Variants in SLC71A1 observed in about 807,000 individuals in gnomAD.
SLC71A1 encodes the protein hippocampus abundant gene transcript 1.
the SLC71A1 span, among the ~76,000 whole-genome samples, chr1:100,064,696 A>C: frequency 6.6e-6 from 1 of 151,528 alleles, no homozygotes; most frequent in Admixed American, 6.6e-5. Flanking sequence ...TTGATACTAT[A>C]GATCAATAGG....
At chr1:100,083,081 C>G in the SLC71A1 span, 6 of 152,556 alleles carry the variant, frequency 3.9e-5, no homozygotes, top group African/African-American at 1.2e-4. Context: ...ACTTTATTTA[C>G]AGAGCTAATG....
chr1:100,081,533 C>T, the SLC71A1 span, among the ~76,000 whole-genome samples: 5,016 of 152,040 alleles, frequency 0.033, 300 homozygotes, highest in African/African-American at 0.11. Context: ...CCACCATGAC[C>T]GGCTAATTTT....
chr1:100,043,385 C>G, the SLC71A1 span, among the ~76,000 whole-genome samples: 1 of 152,204 alleles, frequency 6.6e-6, no homozygotes, highest in African/African-American at 2.4e-5. Flanking sequence ...TAATATAGCT[C>G]TCAAAATTTC....
the SLC71A1 span, among the ~76,000 whole-genome samples, chr1:100,050,932 A>G: frequency 7.9e-5 from 12 of 152,016 alleles, no homozygotes; most frequent in African/African-American, 2.7e-4. Flanking sequence ...AAAAAATGCA[A>G]AAATTAGTTG....
At chr1:100,043,725 C>G in the SLC71A1 span, among the ~76,000 whole-genome samples, 15 of 152,200 alleles carry the variant, frequency 9.9e-5, no homozygotes, top group Middle Eastern at 6.3e-3. Context: ...AGCTTCCCCC[C>G]CATCCTCAAA....
chr1:100,071,289 CAAAAAAAAAAA>C, the SLC71A1 span, among the ~76,000 whole-genome samples: 2 of 53,388 alleles, frequency 3.7e-5, no homozygotes, highest in African/African-American at 6.3e-5. Flanking sequence ...CCATCTCTAC[CAAAAAAAAAAA>C]AAAAAAAAAA....
At chr1:100,059,847 G>A in the SLC71A1 span, 1 of 1,572,584 alleles carries the variant, frequency 6.4e-7, no homozygotes, top group Non-Finnish European at 8.6e-7. Flanking sequence ...ATAGATGTGT[G>A]GTATTCATTT....
the SLC71A1 span, among the ~76,000 whole-genome samples, chr1:100,054,024 GTTTTTTTTTTTCTTTCC>G: frequency 3.5e-5 from 5 of 141,008 alleles, no homozygotes; most frequent in Admixed American, 2.1e-4. Flanking sequence ...GAATTTACCG[GTTTTTTTTTTTCTTTCC>G]TTTTTTTTTT....
At chr1:100,055,342 G>C in the SLC71A1 span, among the ~76,000 whole-genome samples, 1 of 146,668 alleles carries the variant, frequency 6.8e-6, no homozygotes, top group Non-Finnish European at 1.5e-5. Flanking sequence ...GATCTTTTTT[G>C]CAATTTTTTT....
At chr1:100,076,243 T>C in the SLC71A1 span, among the ~76,000 whole-genome samples, 1 of 152,232 alleles carries the variant, frequency 6.6e-6, no homozygotes, top group Non-Finnish European at 1.5e-5. Context: ...TTATATTTTA[T>C]GAGTTTTAAA....
At chr1:100,070,573 T>G in the SLC71A1 span, among the ~76,000 whole-genome samples, 1 of 152,198 alleles carries the variant, frequency 6.6e-6, no homozygotes, top group Non-Finnish European at 1.5e-5. Flanking sequence ...AATAAGATAT[T>G]AATCAACACA....
At chr1:100,060,798 AGGGAATAATT>A in the SLC71A1 span, among the ~76,000 whole-genome samples, 3 of 152,086 alleles carry the variant, frequency 2.0e-5, no homozygotes, top group African/African-American at 7.2e-5. Flanking sequence ...GCTAACAAAA[AGGGAATAATT>A]GTCCTAAAGT....
At chr1:100,081,352 CTG>C in the SLC71A1 span, among the ~76,000 whole-genome samples, 1 of 152,074 alleles carries the variant, frequency 6.6e-6, no homozygotes, top group East Asian at 1.9e-4. Context: ...GTAGTAAATA[CTG>C]TATGCTACCT....
the SLC71A1 span, chr1:100,043,092 T>G: frequency 1.0e-6 from 1 of 985,174 alleles, no homozygotes; most frequent in African/African-American, 1.7e-5. Flanking sequence ...TGCATCCAGT[T>G]CATCCTCATG....
the SLC71A1 span, chr1:100,078,566 A>G: frequency 1.8e-5 from 28 of 1,521,676 alleles, no homozygotes; most frequent in African/African-American, 1.4e-4. Context: ...GATAGGAACT[A>G]GCGATAATTA....
chr1:100,073,123 A>G, the SLC71A1 span, among the ~76,000 whole-genome samples: 1 of 152,066 alleles, frequency 6.6e-6, no homozygotes, highest in South Asian at 2.1e-4. Context: ...CTAACCTTAC[A>G]TTCAGCCCAT....
chr1:100,050,134 T>C, the SLC71A1 span: 1 of 541,784 alleles, frequency 1.8e-6, no homozygotes, highest in South Asian at 2.7e-5. Context: ...TTCACCAGTA[T>C]TTTACTGGTT....
chr1:100,081,221 T>G, the SLC71A1 span, among the ~76,000 whole-genome samples: 1 of 152,216 alleles, frequency 6.6e-6, no homozygotes, highest in Non-Finnish European at 1.5e-5. Flanking sequence ...TAAGAATGAA[T>G]GTAATTTTGG....
the SLC71A1 span, chr1:100,077,391 T>C: frequency 2.9e-5 from 18 of 624,264 alleles, no homozygotes; most frequent in African/African-American, 3.5e-4. Context: ...ATGCTTTTTA[T>C]CTTTCAAAAT....
Sources: gnomAD v4.1 joint callset for allele counts (sites outside exome capture counted in the v4.1 genomes callset) on GRCh38, gnomAD v4.1.1 for gene constraint, MANE v1.5 for transcripts, NCBI Gene and HGNC (gene_info 2026-07-23, HGNC 2026-07-21) for gene names.